Variants in CBLN2 observed in about 807,000 individuals in gnomAD.
The protein encoded by CBLN2 is cerebellin 2 precursor, also known as cerebellin-2.
CBLN2 carries 7 observed loss-of-function variants against 15.0 expected under a neutral mutation model. The ratio of observed to expected loss-of-function variants is 0.47; its 90% CI spans 0.27 to 0.88. The LOEUF is 0.88. Among genes scored for constraint, CBLN2 ranks in the 40% least tolerant of loss-of-function variants. The pLI, the probability that CBLN2 is intolerant of heterozygous loss-of-function variation, is 0.14. For synonymous variants in CBLN2, 149 were observed against 135.2 expected, an observed-to-expected ratio of 1.10 and a Z score of -0.71; for missense variants, 242 against 304.5, an observed-to-expected ratio of 0.79 and a Z score of 1.53.
At chr18:72,556,867 ACT>A (rs1472936230) in intron 1 of CBLN2, among the ~76,000 whole-genome samples, 3 of 152,158 alleles carry the variant, frequency 2.0e-5, no homozygotes, top group Admixed American at 6.6e-5. Context: ...GGAAAAAAAA[ACT>A]CTTAAAACCA....
chr18:72,632,596 T>C (rs2069784491), intron 1 of CBLN2, among the ~76,000 whole-genome samples: 2 of 152,320 alleles, frequency 1.3e-5, no homozygotes, highest in South Asian at 4.1e-4. Context: ...TAGGACTCTA[T>C]CTGATAATGT....
At chr18:72,638,035 A>G (rs1209333364) in intron 1 of CBLN2, among the ~76,000 whole-genome samples, 1 of 152,194 alleles carries the variant, frequency 6.6e-6, no homozygotes, top group South Asian at 2.1e-4. Flanking sequence ...GGGGTTGTGG[A>G]AATCGCAGGT....
intron 1 of CBLN2, among the ~76,000 whole-genome samples, chr18:72,565,549 C>T (rs773092962): frequency 2.0e-5 from 3 of 151,956 alleles, no homozygotes; most frequent in Non-Finnish European, 4.4e-5. Context: ...TTGTATGCAA[C>T]CGAAGTTAAG....
At chr18:72,598,880 C>T (rs191801546) in intron 1 of CBLN2, among the ~76,000 whole-genome samples, 3 of 152,302 alleles carry the variant, frequency 2.0e-5, no homozygotes, top group African/African-American at 7.2e-5. Flanking sequence ...ACTCTCTCTC[C>T]TCTAAGTGCA....
At chr18:72,636,286 T>G (rs938811546) in intron 1 of CBLN2, among the ~76,000 whole-genome samples, 2 of 152,246 alleles carry the variant, frequency 1.3e-5, no homozygotes, top group African/African-American at 2.4e-5. Context: ...AGCATCTATT[T>G]TCTTCACTCA....
intron 1 of CBLN2, among the ~76,000 whole-genome samples, chr18:72,608,730 G>T (rs140176736): frequency 6.6e-6 from 1 of 152,124 alleles, no homozygotes; most frequent in Non-Finnish European, 1.5e-5. Context: ...GGGCTGAGGG[G>T]CAGTATATTA....
chr18:72,615,006 T>A (rs2069647207), intron 1 of CBLN2, among the ~76,000 whole-genome samples: 1 of 145,422 alleles, frequency 6.9e-6, no homozygotes, highest in Admixed American at 7.1e-5. Flanking sequence ...GTGGGCTGTT[T>A]GTCACTTAGC....
intron 1 of CBLN2, among the ~76,000 whole-genome samples, chr18:72,605,507 T>C (rs1170358374): frequency 6.6e-6 from 1 of 152,254 alleles, no homozygotes; most frequent in Non-Finnish European, 1.5e-5. Flanking sequence ...TTTTTATTAA[T>C]GCATTTTTCT....
At position 72,578,078 on chromosome 18, in the gene CBLN2, T is replaced by C. The variant is rs1406547174; in HGVS notation, c.16-39306A>G. On this transcript the variant is annotated intron_variant, in intron 1 of 2. Coordinates refer to the CBLN2 transcript ENST00000581073. ...GGAATCGGCGACTAAGTTCACCTTT[T>C]GAAGCTTCAATTCACTCATTTCTAA... is the stretch of plus-strand genomic sequence containing the variant. 2.0e-5 allele frequency among the ~76,000 whole-genome samples: 3 copies of C among 152,254 alleles called. No homozygotes were observed. In the East Asian group the frequency reaches 5.8e-4, roughly 29 times the overall value.
intron 1 of CBLN2, among the ~76,000 whole-genome samples, chr18:72,559,117 T>C (rs1419611265): frequency 6.6e-6 from 1 of 152,210 alleles, no homozygotes; most frequent in Non-Finnish European, 1.5e-5. Flanking sequence ...CCTGAAGCAA[T>C]GTGGCATCCC....
intron 1 of CBLN2, among the ~76,000 whole-genome samples, chr18:72,609,096 C>T (rs899295294): frequency 6.6e-6 from 1 of 152,098 alleles, no homozygotes; most frequent in Non-Finnish European, 1.5e-5. Context: ...CAGGCCTCAA[C>T]AGAAAGGATG....
intron 1 of CBLN2, among the ~76,000 whole-genome samples, chr18:72,630,792 T>G (rs983609670): frequency 6.6e-6 from 1 of 152,172 alleles, no homozygotes; most frequent in Non-Finnish European, 1.5e-5. Flanking sequence ...CCTGTGGAAC[T>G]GAAGGACGCC....
chr18:72,596,877 G>T (rs1211654102), intron 1 of CBLN2, among the ~76,000 whole-genome samples: 1 of 152,066 alleles, frequency 6.6e-6, no homozygotes, highest in Non-Finnish European at 1.5e-5. Flanking sequence ...AATATGAATA[G>T]CAAATGCCTT....
At chr18:72,580,290 T>A (rs2069394749) in intron 1 of CBLN2, among the ~76,000 whole-genome samples, 1 of 152,152 alleles carries the variant, frequency 6.6e-6, no homozygotes, top group Admixed American at 6.5e-5. Flanking sequence ...ACTCTTTTTA[T>A]TATAAAATAC....
At chr18:72,593,361 A>G (rs2069492761) in intron 1 of CBLN2, among the ~76,000 whole-genome samples, 1 of 152,174 alleles carries the variant, frequency 6.6e-6, no homozygotes, top group African/African-American at 2.4e-5. Flanking sequence ...TTGACTTTGT[A>G]TCTTGAAAAT....
At chr18:72,589,474 A>G (rs1313646371) in intron 1 of CBLN2, among the ~76,000 whole-genome samples, 1 of 152,214 alleles carries the variant, frequency 6.6e-6, no homozygotes, top group East Asian at 1.9e-4. Flanking sequence ...TTAGCATACC[A>G]CATATGGGCT....
chr18:72,584,190 A>G (rs139758088), intron 1 of CBLN2, among the ~76,000 whole-genome samples: 1 of 152,142 alleles, frequency 6.6e-6, no homozygotes, highest in Non-Finnish European at 1.5e-5. Flanking sequence ...TTCAGGTCTC[A>G]GTTCAAAAGC....
At chr18:72,585,536 G>GT (rs2069437027) in intron 1 of CBLN2, among the ~76,000 whole-genome samples, 1 of 152,142 alleles carries the variant, frequency 6.6e-6, no homozygotes, top group Admixed American at 6.5e-5. Flanking sequence ...TGAGTCCGGT[G>GT]TTTTTATGGG....
At chr18:72,619,088 G>T (rs2069682420) in intron 1 of CBLN2, 1 of 748,306 alleles carries the variant, frequency 1.3e-6, no homozygotes, top group Non-Finnish European at 2.4e-6. Flanking sequence ...TTGGACCCAT[G>T]AAGAGAGTAA....
Sources: allele counts gnomAD v4.1 joint callset (sites outside exome capture counted in the v4.1 genomes callset), GRCh38; gene constraint gnomAD v4.1.1; transcripts MANE v1.5; gene names NCBI Gene and HGNC (gene_info 2026-07-23, HGNC 2026-07-21).